The following CTNNA2 variants were observed in gnomAD, a reference collection of about 807,000 sequenced individuals.
The protein encoded by CTNNA2 is catenin alpha 2, also known as catenin alpha-2.
In CTNNA2, 42 loss-of-function variants were observed where a neutral mutation model predicts 101.0. The observed-to-expected ratio is 0.42, with a 90% CI of 0.32 to 0.54. The LOEUF (loss-of-function observed/expected upper bound fraction) is 0.54. CTNNA2 is among the 20% of genes least tolerant of loss of function. The pLI is 0.14. For missense variants in CTNNA2, 871 were observed against 1,223.1 expected (o/e 0.71, Z 4.29); for synonymous variants, 450 against 456.4 (o/e 0.99, Z 0.18).
At chr2:79,212,371 G>A (rs547654474) in intron 2 of CTNNA2, among the ~76,000 whole-genome samples, 7 of 152,284 alleles carry the variant, frequency 4.6e-5, no homozygotes, top group Non-Finnish European at 7.3e-5. Flanking sequence ...AAAAAGGAGC[G>A]TCTATACAGG....
chr2:80,549,044 CA>C (rs1185437378), intron 11 of CTNNA2, among the ~76,000 whole-genome samples: 1 of 152,018 alleles, frequency 6.6e-6, no homozygotes, highest in Non-Finnish European at 1.5e-5. Context: ...ATATGAAATG[CA>C]ACAAGTTTGG....
chr2:80,254,798 G>A (rs1573522454), intron 7 of CTNNA2, among the ~76,000 whole-genome samples: 1 of 152,094 alleles, frequency 6.6e-6, no homozygotes, highest in South Asian at 2.1e-4. Context: ...AAATTACTAA[G>A]TTTGAGGAAA....
At chr2:79,516,234 C>G (rs1410295713) in intron 1 of CTNNA2, among the ~76,000 whole-genome samples, 1 of 152,094 alleles carries the variant, frequency 6.6e-6, no homozygotes, top group Non-Finnish European at 1.5e-5. Flanking sequence ...GTACTTGGTA[C>G]AAACAAAACA....
At chr2:80,405,746 G>A (rs891195702) in intron 8 of CTNNA2, among the ~76,000 whole-genome samples, 1 of 152,136 alleles carries the variant, frequency 6.6e-6, no homozygotes, top group Non-Finnish European at 1.5e-5. Flanking sequence ...TTGAGAAATG[G>A]TTGAATGGAT....
rs368667924 is a variant in CTNNA2 at position 79,533,438 on chromosome 2, A to G, written c.-6+20231A>G. Among the ~76,000 whole-genome samples the G allele has an allele frequency of 1.4e-4, 22 of 152,266 alleles. No individual in the cohort carries two copies. In the South Asian group the frequency reaches 4.6e-3, roughly 32 times the overall value. ...AATGGTAGTTTATAGAAGTTTTGGT[A>G]TGTTTGGAAATATCAATTTTACAGT... On this transcript the variant is annotated intron_variant, in intron 1 of 18. Transcript: ENST00000402739.
intron 7 of CTNNA2, among the ~76,000 whole-genome samples, chr2:79,950,039 G>A (rs1448833624): frequency 6.6e-6 from 1 of 151,890 alleles, no homozygotes; most frequent in Non-Finnish European, 1.5e-5. Context: ...AATGTATGCT[G>A]CATAGTTACT....
chr2:80,211,998 T>G (rs912104293), intron 7 of CTNNA2, among the ~76,000 whole-genome samples: 1 of 152,220 alleles, frequency 6.6e-6, no homozygotes, highest in Non-Finnish European at 1.5e-5. Context: ...GGGAGTTCAC[T>G]CATGATTTGG....
chr2:79,888,113 T>A (rs2104183285), intron 6 of CTNNA2, among the ~76,000 whole-genome samples: 1 of 152,304 alleles, frequency 6.6e-6, no homozygotes, highest in South Asian at 2.1e-4. Flanking sequence ...TGAACACTAA[T>A]GTTATGCAAT....
Position 80,278,021 on chromosome 2 carries a change from C to A in CTNNA2, c.1057-115190C>A, listed in dbSNP as rs182396139. Among the ~76,000 whole-genome samples, 41 of 152,192 alleles carry A rather than the reference C, an allele frequency of 2.7e-4. No individual in the cohort carries two copies. The East Asian group carries it at 7.2e-3, about 27-fold the overall frequency. On this transcript the variant is annotated intron_variant, in intron 7 of 18. Coordinates refer to ENST00000402739, the MANE Select transcript of CTNNA2 (RefSeq NM_001282597.3). ...TCTTTCTGGATTGGGTAGTGGTTAACAGTGTGTTTTGTGACATCAGAGAGA... is the reference window on the plus strand; with the variant it reads ...TCTTTCTGGATTGGGTAGTGGTTAAAAGTGTGTTTTGTGACATCAGAGAGA...
At chr2:80,412,305 G>A (rs956141704) in intron 8 of CTNNA2, among the ~76,000 whole-genome samples, 3 of 152,188 alleles carry the variant, frequency 2.0e-5, no homozygotes, top group Admixed American at 1.3e-4. Flanking sequence ...GAAAAGTCCC[G>A]ATCAACCCTT....
At chr2:79,515,833 A>G (rs1313797057) in intron 1 of CTNNA2, among the ~76,000 whole-genome samples, 6 of 152,162 alleles carry the variant, frequency 3.9e-5, no homozygotes, top group South Asian at 4.1e-4. Flanking sequence ...TACTTGATAC[A>G]ATAAAGAGCC....
At chr2:79,241,546 G>T (rs1055675928) in intron 2 of CTNNA2, among the ~76,000 whole-genome samples, 9 of 152,134 alleles carry the variant, frequency 5.9e-5, no homozygotes, top group Non-Finnish European at 1.2e-4. Context: ...AAAAATAGGT[G>T]TCTATTTTTG....
In CTNNA2 at chr2:79,857,837, A is replaced by G. The variant is rs184132871; in HGVS notation, c.299-176A>G. Among the ~76,000 whole-genome samples the G allele has an allele frequency of 9.8e-5, 15 of 152,322 alleles. No individual in the cohort carries two copies. In the East Asian group the frequency reaches 2.3e-3, roughly 24 times the overall value. On this transcript the variant is annotated intron_variant, in intron 3 of 18. Coordinates refer to ENST00000402739, the MANE Select transcript of CTNNA2 (RefSeq NM_001282597.3). ...CTTGTTTGGTCCACAGCACTTGTCC[A>G]TGTGCACTGATGTACTTGACTTAAA...
chr2:79,674,043 T>A (rs1438541963), intron 2 of CTNNA2, among the ~76,000 whole-genome samples: 1 of 152,224 alleles, frequency 6.6e-6, no homozygotes, highest in Non-Finnish European at 1.5e-5. Context: ...CTCATTTAAA[T>A]GCAGGTTCCA....
At chr2:79,192,779 GT>G (rs1456629673) in intron 1 of CTNNA2, among the ~76,000 whole-genome samples, 1 of 152,074 alleles carries the variant, frequency 6.6e-6, no homozygotes, top group Non-Finnish European at 1.5e-5. Context: ...CTTGAATAAA[GT>G]AGGTGACAAG....
chr2:79,765,507 G>T (rs1673090890), intron 3 of CTNNA2, among the ~76,000 whole-genome samples: 2 of 152,134 alleles, frequency 1.3e-5, no homozygotes, highest in Admixed American at 6.5e-5. Flanking sequence ...TATGCACATT[G>T]AATAAGATGC....
intron 9 of CTNNA2, among the ~76,000 whole-genome samples, chr2:80,428,649 T>C (rs1034505934): frequency 6.6e-6 from 1 of 152,122 alleles, no homozygotes; most frequent in African/African-American, 2.4e-5. Context: ...ATAGATGTGG[T>C]CCTAAAACCC....
intron 7 of CTNNA2, among the ~76,000 whole-genome samples, chr2:80,372,893 A>G (rs1022321690): frequency 5.9e-5 from 9 of 152,224 alleles, no homozygotes; most frequent in African/African-American, 1.4e-4. Flanking sequence ...ACTGGGGGAA[A>G]AATACACTGG....
intron 7 of CTNNA2, among the ~76,000 whole-genome samples, chr2:80,138,007 CA>C (rs1207364173): frequency 2.6e-5 from 4 of 151,996 alleles, no homozygotes; most frequent in Non-Finnish European, 5.9e-5. Context: ...AGTTTTGTGT[CA>C]ATTTTACAAA....
Sources: allele counts gnomAD v4.1 joint callset (sites outside exome capture counted in the v4.1 genomes callset), GRCh38; gene constraint gnomAD v4.1.1; transcripts MANE v1.5; gene names NCBI Gene and HGNC (gene_info 2026-07-23, HGNC 2026-07-21).